The following EIPR1 variants were observed in gnomAD, a reference collection of about 807,000 sequenced individuals.
EIPR1 encodes the protein EARP and GARP complex-interacting protein 1.
Under a neutral mutation model 48.1 loss-of-function variants are expected in EIPR1, and 25 were observed. The ratio of observed to expected loss-of-function variants is 0.52; its 90% CI spans 0.38 to 0.73. The LOEUF is 0.73. EIPR1 is among the 30% of genes least tolerant of loss of function. The pLI, the probability that EIPR1 is intolerant of heterozygous loss-of-function variation, is 0.00. For synonymous variants in EIPR1, 204 were observed against 201.9 expected (o/e 1.01, Z -0.09); for missense variants, 415 against 506.2 (o/e 0.82, Z 1.73).
chr2:3,208,764 C>T (rs772000109), intron 5 of EIPR1: 440 of 1,548,428 alleles, frequency 2.8e-4, no homozygotes, highest in South Asian at 3.5e-4. Flanking sequence ...AGGCCCGTGG[C>T]GAGTCCTTCT....
At chr2:3,231,330 A>C (rs371284393) in intron 4 of EIPR1, among the ~76,000 whole-genome samples, 3 of 151,978 alleles carry the variant, frequency 2.0e-5, no homozygotes, top group Non-Finnish European at 2.9e-5. Flanking sequence ...TTTGCCTTTT[A>C]TTTCTTTTTC....
At chr2:3,352,849 T>C (rs1003268421) in intron 2 of EIPR1, among the ~76,000 whole-genome samples, 3 of 152,052 alleles carry the variant, frequency 2.0e-5, no homozygotes, top group African/African-American at 7.2e-5. Context: ...ATACAAAAAT[T>C]AGCTGGGCGT....
chr2:3,193,172 G>A (rs1664670144), intron 7 of EIPR1, among the ~76,000 whole-genome samples: 1 of 152,218 alleles, frequency 6.6e-6, no homozygotes, highest in Admixed American at 6.5e-5. Flanking sequence ...CACCCAGCAT[G>A]GCCAGGGGCA....
intron 3 of EIPR1, among the ~76,000 whole-genome samples, chr2:3,314,719 C>T (rs77616188): frequency 2.6e-5 from 4 of 152,036 alleles, no homozygotes; most frequent in Non-Finnish European, 5.9e-5. Context: ...TGGTTCTAGG[C>T]TCCGATGCCC....
At chr2:3,260,053 A>G (rs1447707466) in intron 3 of EIPR1, among the ~76,000 whole-genome samples, 2 of 152,270 alleles carry the variant, frequency 1.3e-5, no homozygotes, top group African/African-American at 4.8e-5. Context: ...AAGCTGGATC[A>G]TACAGAAAAA....
At chr2:3,302,045 C>T (rs1328848031) in intron 3 of EIPR1, among the ~76,000 whole-genome samples, 1 of 152,188 alleles carries the variant, frequency 6.6e-6, no homozygotes, top group Non-Finnish European at 1.5e-5. Context: ...TTTTACAGGG[C>T]TCCTGAGGCC....
intron 5 of EIPR1, among the ~76,000 whole-genome samples, chr2:3,207,566 T>C (rs1034141020): frequency 2.0e-5 from 3 of 152,216 alleles, no homozygotes; most frequent in Non-Finnish European, 2.9e-5. Flanking sequence ...CATGTCACAG[T>C]TCAGGTGGCC....
rs563511044 is a variant in EIPR1 at position 3,343,929 on chromosome 2, C to T, written c.127-5780G>A. Among the ~76,000 whole-genome samples the T allele has an allele frequency of 5.3e-4, 81 of 152,244 alleles. 1 individual carries two copies. The highest frequency in any genetic ancestry group is 8.5e-4 in the Non-Finnish European group (58 of 68,026). On this transcript the variant is annotated intron_variant, in intron 2 of 8. Transcript: ENST00000382125. ...GAAAAAACAAAAAAAGGGCCAGGCACGGTGGCTCACACTTGTGATCCCAGC... is the reference window on the plus strand; with the variant it reads ...GAAAAAACAAAAAAAGGGCCAGGCATGGTGGCTCACACTTGTGATCCCAGC...
chr2:3,217,275 A>G (rs1256290522), intron 4 of EIPR1, among the ~76,000 whole-genome samples: 1 of 152,252 alleles, frequency 6.6e-6, no homozygotes, highest in Non-Finnish European at 1.5e-5. Flanking sequence ...CAAAGCCATA[A>G]GAGCAACACT....
At chr2:3,227,157 C>CAGAGA (rs1553283696) in intron 4 of EIPR1, among the ~76,000 whole-genome samples, 5 of 151,906 alleles carry the variant, frequency 3.3e-5, no homozygotes, top group African/African-American at 7.3e-5. Flanking sequence ...TTGGAGAGCT[C>CAGAGA]AGAAGACAGG....
intron 1 of EIPR1, among the ~76,000 whole-genome samples, chr2:3,356,544 A>C (rs531291073): frequency 6.6e-6 from 1 of 152,318 alleles, no homozygotes; most frequent in Non-Finnish European, 1.5e-5. Flanking sequence ...CTGCACCTGG[A>C]TCAAGTTCCC....
At chr2:3,265,978 T>G (rs1399605084) in intron 3 of EIPR1, among the ~76,000 whole-genome samples, 18 of 152,282 alleles carry the variant, frequency 1.2e-4, no homozygotes, top group African/African-American at 4.3e-4. Context: ...ACTACCTACT[T>G]TTCACATGTT....
intron 4 of EIPR1, among the ~76,000 whole-genome samples, chr2:3,244,969 A>G (rs187887187): frequency 3.3e-5 from 5 of 152,340 alleles, no homozygotes; most frequent in East Asian, 1.9e-4. Context: ...CTCTTGCAAT[A>G]TAAGTAATTA....
chr2:3,190,102 C>G (rs1009057978), intron 8 of EIPR1, among the ~76,000 whole-genome samples: 10 of 152,048 alleles, frequency 6.6e-5, no homozygotes, highest in Admixed American at 2.6e-4. Context: ...CTGGCCTCCC[C>G]CAGGGTGTTT....
intron 2 of EIPR1, among the ~76,000 whole-genome samples, chr2:3,349,508 A>G (rs1670503386): frequency 1.3e-5 from 2 of 152,276 alleles, no homozygotes; most frequent in South Asian, 4.1e-4. Flanking sequence ...GCACAATACC[A>G]CCACAAGACG....
At chr2:3,275,484 C>G (rs558386444) in intron 3 of EIPR1, among the ~76,000 whole-genome samples, 1 of 152,044 alleles carries the variant, frequency 6.6e-6, no homozygotes, top group East Asian at 1.9e-4. Flanking sequence ...ATTAAAATAG[C>G]AAGGTTATAA....
rs1176224113 is a variant in EIPR1 at position 3,274,364 on chromosome 2, G to C, written c.260-16909C>G. The C allele has an allele frequency of 2.6e-6, 4 of 1,550,476 alleles. No individual in the cohort carries two copies. The South Asian group carries it at 4.8e-5, about 18-fold the overall frequency. Reference sequence around the variant, plus strand: ...AGGTTGCCAGTGCTATGAACAGTTGGGCAGCTGACTTCCCAAGAGCACCAA... The same window carrying C: ...AGGTTGCCAGTGCTATGAACAGTTGCGCAGCTGACTTCCCAAGAGCACCAA... On this transcript the variant is annotated intron_variant, in intron 3 of 8. Coordinates refer to ENST00000382125, the MANE Select transcript of EIPR1 (RefSeq NM_003310.5).
At position 3,348,492 on chromosome 2, in the gene EIPR1, A is replaced by G. The variant is rs1670471948; in HGVS notation, c.126+6058T>C. 3.9e-5 allele frequency among the ~76,000 whole-genome samples: 6 copies of G among 152,246 alleles called. No homozygotes were observed. In the South Asian group the frequency reaches 1.2e-3, roughly 32 times the overall value. ...ATGCTAAGCCATGATCACACCCCCC[A>G]GGAAGAACTCCAGCTCCTCCTCAAA... On this transcript the variant is annotated intron_variant, in intron 2 of 8. Coordinates refer to ENST00000382125, the MANE Select transcript of EIPR1 (RefSeq NM_003310.5).
intron 3 of EIPR1, chr2:3,318,909 C>G (rs749914873): frequency 2.1e-6 from 1 of 471,292 alleles, no homozygotes; most frequent in Non-Finnish European, 4.4e-6. Flanking sequence ...CAAAGACAAT[C>G]GTGGGACTCT....
Sources: allele counts gnomAD v4.1 joint callset (sites outside exome capture counted in the v4.1 genomes callset), GRCh38; gene constraint gnomAD v4.1.1; transcripts MANE v1.5; gene names NCBI Gene and HGNC (gene_info 2026-07-23, HGNC 2026-07-21).